Variants in MCCC1 observed in about 807,000 individuals in gnomAD.
MCCC1 encodes the protein methylcrotonoyl-CoA carboxylase subunit alpha, mitochondrial.
MCCC1 carries 64 observed loss-of-function variants against 83.8 expected under a neutral mutation model. The observed-to-expected ratio is 0.76, with a 90% confidence interval of 0.62 to 0.94. The LOEUF (loss-of-function observed/expected upper bound fraction) is 0.94, where lower values mean the gene tolerates loss of function less well. Ranked by LOEUF, MCCC1 falls within the 40% of genes least tolerant of loss-of-function variation. The probability of loss-of-function intolerance (pLI) is 0.00; values close to 1 mark genes in which losing one functional copy is unlikely to be tolerated. For missense variants in MCCC1, 807 were observed against 904.7 expected (o/e 0.89, Z 1.39); for synonymous variants, 322 against 315.4 (o/e 1.02, Z -0.22).
intron 3 of MCCC1, among the ~76,000 whole-genome samples, chr3:183,090,467 T>C (rs1418542022): frequency 1.3e-5 from 2 of 152,236 alleles, no homozygotes; most frequent in African/African-American, 4.8e-5. Flanking sequence ...ATGTGATGTT[T>C]TGCCACATGC....
chr3:183,045,819 G>A (rs758117307), intron 9 of MCCC1, among the ~76,000 whole-genome samples: 33 of 152,076 alleles, frequency 2.2e-4, no homozygotes, highest in Non-Finnish European at 4.4e-5. Flanking sequence ...TGAGAACAAG[G>A]GTGGACCACA....
At chr3:183,015,675 T>A in intron 18 of MCCC1, 109 bp from the exon 19 acceptor site, 1 of 1,329,210 alleles carries the variant, frequency 7.5e-7, no homozygotes, top group South Asian at 1.2e-5. Context: ...CCAACTTTGA[T>A]GTTTTGTCAT....
chr3:183,081,967 T>C (rs1396365230), intron 4 of MCCC1, among the ~76,000 whole-genome samples: 5 of 152,154 alleles, frequency 3.3e-5, no homozygotes, highest in East Asian at 1.9e-4. Flanking sequence ...GCTGCGGGCA[T>C]GGGAGTGGCA....
chr3:183,060,419 T>C (rs1715731727), intron 7 of MCCC1, among the ~76,000 whole-genome samples: 1 of 152,164 alleles, frequency 6.6e-6, no homozygotes, highest in African/African-American at 2.4e-5. Context: ...ATAAGTGAAA[T>C]AATTACAGTA....
intron 8 of MCCC1, among the ~76,000 whole-genome samples, chr3:183,056,278 G>C (rs537974707): frequency 2.0e-5 from 3 of 152,010 alleles, no homozygotes; most frequent in South Asian, 2.1e-4. Flanking sequence ...ATTAAAATTT[G>C]AATATGGTAT....
chr3:183,102,390 AGTATCCT>A (rs1453400595), upstream of MCCC1, among the ~76,000 whole-genome samples: 2 of 152,106 alleles, frequency 1.3e-5, no homozygotes, highest in Non-Finnish European at 2.9e-5. Context: ...AAATAACTGA[AGTATCCT>A]GTAGCATGTG....
chr3:183,030,865 G>C lies in MCCC1; in HGVS notation c.1681+3126C>G, dbSNP rs916115938. On this transcript the variant is annotated intron_variant, in intron 14 of 18. Transcript: ENST00000265594. ...CTCTCCACCCTATATCATGTCAACAGGCTTTTACTCTTCTTATCAGAAAGT... is the reference window on the plus strand; with the variant it reads ...CTCTCCACCCTATATCATGTCAACACGCTTTTACTCTTCTTATCAGAAAGT... Among the ~76,000 whole-genome samples, 3 of 152,152 alleles carry C rather than the reference G, an allele frequency of 2.0e-5. No homozygotes were observed. The East Asian group carries it at 5.8e-4, about 29-fold the overall frequency.
rs530582980 is a variant in MCCC1 at position 183,097,591 on chromosome 3, C to T, written c.89+1761G>A. Among the ~76,000 whole-genome samples the T allele has an allele frequency of 7.2e-5, 11 of 152,258 alleles. No individual in the cohort carries two copies. In the East Asian group the frequency reaches 2.1e-3, roughly 29 times the overall value. On this transcript the variant is annotated intron_variant, in intron 1 of 18. Transcript: ENST00000265594. Reference sequence around the variant, plus strand: ...TTAATGTTTTGTAGAGATGAAGCCTCACTGTGTTGCCCAGGCTGGTCTTGA... The same window carrying T: ...TTAATGTTTTGTAGAGATGAAGCCTTACTGTGTTGCCCAGGCTGGTCTTGA...
At chr3:183,106,074 G>C (rs1290399784) in intron 1 of MCCC1, among the ~76,000 whole-genome samples, 2 of 31,694 alleles carry the variant, frequency 6.3e-5, no homozygotes, top group Admixed American at 5.4e-4. Flanking sequence ...GAGCAACAGA[G>C]AGTCCGTAAA....
At chr3:183,101,042 C>T (rs1719232426), upstream of MCCC1, among the ~76,000 whole-genome samples, 1 of 152,272 alleles carries the variant, frequency 6.6e-6, no homozygotes, top group African/African-American at 2.4e-5. Flanking sequence ...AGCACCCGGG[C>T]CAGTGGCTGC....
At chr3:183,079,336 C>T (rs1290787503) in intron 4 of MCCC1, among the ~76,000 whole-genome samples, 1 of 152,162 alleles carries the variant, frequency 6.6e-6, no homozygotes, top group Non-Finnish European at 1.5e-5. Context: ...GGGTTATAGG[C>T]ATTGGTTAAA....
In MCCC1 at chr3:183,077,408, A is replaced by G. The variant is rs1717158718; in HGVS notation, c.370-4921T>C. On this transcript the variant is annotated intron_variant, in intron 4 of 18. Coordinates refer to ENST00000265594, the MANE Select transcript of MCCC1 (RefSeq NM_020166.5). ...TAAGTCCTCACCAATACTTGTTATC[A>G]TCTCTTTTTGATTATAGCATCCTAG... Among the ~76,000 whole-genome samples the G allele has an allele frequency of 4.6e-5, 7 of 151,702 alleles. No homozygotes were observed. In the South Asian group the frequency reaches 1.2e-3, roughly 27 times the overall value.
intron 2 of MCCC1, among the ~76,000 whole-genome samples, chr3:183,093,420 T>A (rs571058092): frequency 6.6e-6 from 1 of 152,320 alleles, no homozygotes; most frequent in East Asian, 1.9e-4. Context: ...CTCCAGAATT[T>A]AAGCTTTCAG....
intron 13 of MCCC1, among the ~76,000 whole-genome samples, chr3:183,036,226 T>G (rs1713576106): frequency 6.6e-6 from 1 of 152,138 alleles, no homozygotes; most frequent in African/African-American, 2.4e-5. Flanking sequence ...AATGCATATG[T>G]GTGGTAGCCA....
intron 4 of MCCC1, among the ~76,000 whole-genome samples, chr3:183,081,560 G>A (rs889056572): frequency 8.5e-5 from 13 of 152,308 alleles, no homozygotes; most frequent in Middle Eastern, 3.4e-3. Context: ...AAGCGGACAA[G>A]TCATGGTCTT....
chr3:183,034,274 C>A (rs1374150646), intron 13 of MCCC1, among the ~76,000 whole-genome samples, 197 bp from the exon 14 acceptor site: 3 of 151,946 alleles, frequency 2.0e-5, no homozygotes, highest in Non-Finnish European at 4.4e-5. Context: ...CACGGTGAAA[C>A]CCCGTCTCTA....
intron 7 of MCCC1, among the ~76,000 whole-genome samples, chr3:183,058,322 A>G (rs1715576740): frequency 6.6e-6 from 1 of 152,146 alleles, no homozygotes; most frequent in South Asian, 2.1e-4. Context: ...TCATAATAAA[A>G]CCCAAAAAAG....
At chr3:183,097,302 T>G (rs4859156) in intron 1 of MCCC1, among the ~76,000 whole-genome samples, 74,629 of 152,144 alleles carry the variant, frequency 0.49, 21,615 homozygotes, top group Non-Finnish European at 0.65. Context: ...ACCAGCTTAT[T>G]GTCATGTCTA....
At chr3:183,029,805 G>C (rs923879069) in intron 14 of MCCC1, among the ~76,000 whole-genome samples, 47 of 151,996 alleles carry the variant, frequency 3.1e-4, no homozygotes, top group African/African-American at 1.1e-3. Context: ...GCTCTACCCT[G>C]CCTCAGGCCC....
Sources: gnomAD v4.1 joint callset for allele counts (sites outside exome capture counted in the v4.1 genomes callset) on GRCh38, gnomAD v4.1.1 for gene constraint, MANE v1.5 for transcripts, NCBI Gene and HGNC (gene_info 2026-07-23, HGNC 2026-07-21) for gene names.